The following XPO6 variants were observed in gnomAD, a reference collection of about 807,000 sequenced individuals.
XPO6 encodes the protein exportin-6.
Under a neutral mutation model 130.0 loss-of-function variants are expected in XPO6, and 3 were observed. That is an observed-to-expected ratio of 0.02 (90% CI 0.01 to 0.06). The LOEUF is 0.06. Among genes scored for constraint, XPO6 ranks in the 10% least tolerant of loss-of-function variants. XPO6 has a pLI of 1.00. For missense variants in XPO6, 970 were observed against 1,393.0 expected, an observed-to-expected ratio of 0.70 and a Z score of 4.83; for synonymous variants, 524 against 548.9, an observed-to-expected ratio of 0.95 and a Z score of 0.63.
Position 28,104,583 on chromosome 16 carries a change from T to C in XPO6, c.2909A>G (p.Gln970Arg). ...ACTGAACTGGGGCTCATTCTCCATC[T>C]GCTCCTCAGCGATCCCCCTCTGGAC... ...ASVQRGIAEE[Q>R]MENEPQFSAI... The change falls in exon 21 of 24, where the codon CAG becomes CGG. Residue 970 changes from glutamine to arginine, a missense_variant. Gln to Arg is a conservative substitution (Grantham distance 43). This residue lies in a region of XPO6 where 936 missense variants were observed against 1,306.8 expected (regional missense o/e 0.72). Transcript: ENST00000304658. 6.2e-7 allele frequency: 1 copy of C among 1,614,230 alleles called. No individual in the cohort carries two copies. The highest frequency in any genetic ancestry group is 8.5e-7 in the Non-Finnish European group (1 of 1,180,048).
chr16:28,121,600 A>T, intron 14 of XPO6, 70 bp downstream of exon 14: 1 of 1,169,594 alleles, frequency 8.5e-7, no homozygotes, highest in Non-Finnish European at 1.3e-6. Context: ...CCTTTTTCTC[A>T]ATCAAATTAT....
At chr16:28,204,799 T>C (rs1319001004) in intron 1 of XPO6, among the ~76,000 whole-genome samples, 2 of 152,184 alleles carry the variant, frequency 1.3e-5, no homozygotes, top group Non-Finnish European at 2.9e-5. Context: ...GGTACTCCAC[T>C]TGTCTGACAC....
At chr16:28,149,207 T>A (rs902746501) in intron 8 of XPO6, among the ~76,000 whole-genome samples, 2 of 151,958 alleles carry the variant, frequency 1.3e-5, no homozygotes, top group African/African-American at 4.8e-5. Context: ...GAGGACGCAC[T>A]AAGCTTAGGA....
intron 1 of XPO6, among the ~76,000 whole-genome samples, chr16:28,204,998 G>T (rs1466069309): frequency 6.6e-6 from 1 of 152,104 alleles, no homozygotes; most frequent in Non-Finnish European, 1.5e-5. Context: ...GGAGTTCAAG[G>T]CTGCTGTGAA....
intron 14 of XPO6, among the ~76,000 whole-genome samples, chr16:28,119,537 C>T (rs991159857): frequency 2.6e-5 from 4 of 152,050 alleles, no homozygotes; most frequent in Non-Finnish European, 5.9e-5. Context: ...GCAAAAGGTC[C>T]TCAGTCACTC....
In XPO6 at chr16:28,101,922, C is replaced by A. The variant is rs754247567; in HGVS notation, c.2970G>T (p.Gln990His). The A allele has an allele frequency of 6.2e-7, 1 of 1,614,012 alleles. No homozygotes were observed. Among genetic ancestry groups the A allele is most frequent in the Non-Finnish European group, 8.5e-7 (1 of 1,179,994 alleles). ...IMQAFGQSFL[Q>H]PDIHLFKQNL... is the part of the protein sequence containing the mutation. ...TTTGTTTAAAAAGGTGGATGTCGGG[C>A]TGGAGAAAGGACTGTCCGAAAGCCT... Residue 990 changes from glutamine to histidine, a missense_variant, in exon 22 of 24, where the codon CAG becomes CAT. Coordinates refer to ENST00000304658, the MANE Select transcript of XPO6 (RefSeq NM_015171.4). This position sits in a 1 kb window ranked among gnomAD's most constrained non-coding sequence, Gnocchi z 5.4.
chr16:28,140,174 G>T (rs998144787), intron 9 of XPO6, among the ~76,000 whole-genome samples: 1 of 148,894 alleles, frequency 6.7e-6, no homozygotes, highest in African/African-American at 2.5e-5. Context: ...GGAGGTTGCA[G>T]TGAGCCGAGA....
intron 6 of XPO6, among the ~76,000 whole-genome samples, chr16:28,157,816 G>A (rs2043208233): frequency 6.6e-6 from 1 of 152,216 alleles, no homozygotes; most frequent in South Asian, 2.1e-4. Flanking sequence ...GGCGGTGCAG[G>A]AAGAAGGGCC....
chr16:28,197,601 CAT>C (rs751587819), intron 1 of XPO6, among the ~76,000 whole-genome samples: 3 of 151,976 alleles, frequency 2.0e-5, no homozygotes, highest in Non-Finnish European at 4.4e-5. Context: ...TTCTGGAAAA[CAT>C]GTGATGAAGT....
chr16:28,114,715 A>C (rs2087010543), intron 15 of XPO6, among the ~76,000 whole-genome samples: 1 of 152,150 alleles, frequency 6.6e-6, no homozygotes, highest in Non-Finnish European at 1.5e-5. Flanking sequence ...GACAACAATG[A>C]AGTTTGCTGC....
intron 23 of XPO6, among the ~76,000 whole-genome samples, chr16:28,099,861 C>G (rs561132421): frequency 6.6e-6 from 1 of 152,258 alleles, no homozygotes. Flanking sequence ...TTTATTTTAC[C>G]CTCAAAAAAC....
chr16:28,184,262 C>T (rs1190007748), intron 1 of XPO6, among the ~76,000 whole-genome samples: 1 of 152,052 alleles, frequency 6.6e-6, no homozygotes, highest in Non-Finnish European at 1.5e-5. Context: ...GAAAATTTAT[C>T]TGACTGCCTC....
chr16:28,152,806 G>T (rs1296154868), intron 7 of XPO6, 21 bp from the exon 8 acceptor site: 2 of 1,604,798 alleles, frequency 1.2e-6, no homozygotes, highest in Non-Finnish European at 1.7e-6. Flanking sequence ...CAAGACAAAA[G>T]GTGACAATAA....
intron 15 of XPO6, 96 bp downstream of exon 15, chr16:28,117,222 C>T (rs2141257498): frequency 6.7e-7 from 1 of 1,501,786 alleles, no homozygotes. Flanking sequence ...ATGGGTCTAA[C>T]TCTGTGTCAT....
chr16:28,148,257 G>A (rs753503367), intron 8 of XPO6, among the ~76,000 whole-genome samples: 11 of 152,160 alleles, frequency 7.2e-5, no homozygotes, highest in Admixed American at 2.6e-4. Context: ...TCAAGGCTGG[G>A]GGAAAGGTGA....
chr16:28,126,571 T>C (rs2087419143), intron 12 of XPO6: 1 of 152,220 alleles, frequency 6.6e-6, no homozygotes, highest in South Asian at 2.1e-4. Context: ...CTAATTATTA[T>C]AAATAACAAA....
intron 12 of XPO6, among the ~76,000 whole-genome samples, chr16:28,130,079 G>A (rs1052489411): frequency 1.3e-5 from 2 of 152,252 alleles, no homozygotes; most frequent in African/African-American, 4.8e-5. Context: ...CCTTGGTCTT[G>A]ACAGGGAAGT....
intron 1 of XPO6, 28 bp from the exon 2 acceptor site, chr16:28,181,059 A>G (rs2043607186): frequency 1.9e-6 from 3 of 1,550,584 alleles, no homozygotes; most frequent in East Asian, 2.3e-5. Flanking sequence ...AAAAAAATCA[A>G]TAAGCTGCAT....
At chr16:28,155,560 C>T (rs1210218813) in intron 7 of XPO6, 1 of 157,684 alleles carries the variant, frequency 6.3e-6, no homozygotes, top group Non-Finnish European at 1.4e-5. Context: ...TAACATCCCT[C>T]CTATAGTTTG....
Sources: allele counts gnomAD v4.1 joint callset (sites outside exome capture counted in the v4.1 genomes callset), GRCh38; gene constraint gnomAD v4.1.1; regional missense constraint gnomAD v4.1.1; non-coding constraint Gnocchi (gnomAD v3.1); transcripts MANE v1.5; gene names NCBI Gene and HGNC (gene_info 2026-07-23, HGNC 2026-07-21).